Variants in PARD3 observed in about 807,000 individuals in gnomAD.
PARD3 encodes par-3 family cell polarity regulator.
In PARD3, 75 loss-of-function variants were observed where a neutral mutation model predicts 155.4. The observed-to-expected ratio is 0.48, with a 90% CI of 0.40 to 0.58. The LOEUF (loss-of-function observed/expected upper bound fraction) is 0.58. Among genes scored for constraint, PARD3 ranks in the 20% least tolerant of loss-of-function variants. The probability of loss-of-function intolerance (pLI) is 0.00; values close to 1 mark genes in which losing one functional copy is unlikely to be tolerated. For synonymous variants in PARD3, 576 were observed against 610.5 expected, an observed-to-expected ratio of 0.94 and a Z score of 0.83; for missense variants, 1,642 against 1,721.7, an observed-to-expected ratio of 0.95 and a Z score of 0.82.
chr10:34,798,531 T>C (rs963149732), intron 1 of PARD3, among the ~76,000 whole-genome samples: 5 of 151,660 alleles, frequency 3.3e-5, no homozygotes, highest in African/African-American at 1.2e-4. Flanking sequence ...ATGGTGAAAC[T>C]GCATCTCTAC....
intron 1 of PARD3, among the ~76,000 whole-genome samples, chr10:34,703,213 T>C (rs2094310439): frequency 6.7e-6 from 1 of 150,236 alleles, no homozygotes; most frequent in Non-Finnish European, 1.5e-5. Context: ...CAAGATCCCA[T>C]CTGTACAAAA....
chr10:34,296,615 T>C (rs1956924013), intron 20 of PARD3, among the ~76,000 whole-genome samples: 1 of 152,174 alleles, frequency 6.6e-6, no homozygotes, highest in African/African-American at 2.4e-5. Context: ...ATAAAATACG[T>C]GGATGTGGGA....
intron 22 of PARD3, among the ~76,000 whole-genome samples, chr10:34,239,208 TTAATC>T (rs1399535967): frequency 1.3e-5 from 2 of 152,214 alleles, no homozygotes; most frequent in African/African-American, 2.4e-5. Context: ...GGCCATTTCT[TTAATC>T]TAACACCATC....
At chr10:34,594,673 A>G (rs558934204) in intron 2 of PARD3, among the ~76,000 whole-genome samples, 1 of 152,254 alleles carries the variant, frequency 6.6e-6, no homozygotes, top group South Asian at 2.1e-4. Flanking sequence ...TCTACAAAAT[A>G]TACAAAAATT....
intron 5 of PARD3, among the ~76,000 whole-genome samples, chr10:34,402,562 A>T (rs1193824889): frequency 6.6e-6 from 1 of 152,196 alleles, no homozygotes; most frequent in Non-Finnish European, 1.5e-5. Context: ...GCCATAATGG[A>T]CCACTTTTGT....
Position 34,189,770 on chromosome 10 carries a change from C to A in PARD3, c.3420-58187G>T, listed in dbSNP as rs1304045846. Among the ~76,000 whole-genome samples, 4 of 152,260 alleles carry A rather than the reference C, an allele frequency of 2.6e-5. 1 individual carries two copies. Among genetic ancestry groups the A allele is most frequent in the Admixed American group, 2.6e-4 (4 of 15,294 alleles). On this transcript the variant is annotated intron_variant, in intron 22 of 24. Transcript: ENST00000374788. The stretch of plus-strand genomic sequence containing the variant: ...CCCAAAAAAGGACAACTGACAAAAA[C>A]CTGTTATTCAGACTTAGGCATTTAA...
chr10:34,148,424 T>C (rs1230451983), intron 22 of PARD3, among the ~76,000 whole-genome samples: 3 of 152,216 alleles, frequency 2.0e-5, no homozygotes, highest in Admixed American at 6.5e-5. Flanking sequence ...GATATCATAA[T>C]AGTGTCTCCA....
At chr10:34,227,856 T>TTATATATACATATATATATATATATA (rs1554814036) in intron 22 of PARD3, among the ~76,000 whole-genome samples, 1 of 82,278 alleles carries the variant, frequency 1.2e-5, no homozygotes. Flanking sequence ...GAATTATTTT[T>TTATATATACATATATATATATATATA]TATATATATA....
chr10:34,458,343 T>C (rs575162155), intron 4 of PARD3, among the ~76,000 whole-genome samples: 4 of 152,212 alleles, frequency 2.6e-5, no homozygotes, highest in East Asian at 1.9e-4. Flanking sequence ...GCTGAGACTA[T>C]AGGCACACAT....
chr10:34,202,847 A>G (rs1457070631), intron 22 of PARD3, among the ~76,000 whole-genome samples: 1 of 152,182 alleles, frequency 6.6e-6, no homozygotes, highest in East Asian at 1.9e-4. Context: ...TATTTCCCTT[A>G]CTGTGACACA....
intron 5 of PARD3, among the ~76,000 whole-genome samples, chr10:34,432,332 G>C (rs2075979800): frequency 1.4e-5 from 1 of 70,854 alleles, no homozygotes; most frequent in Non-Finnish European, 2.7e-5. Context: ...ATATACACGT[G>C]CACATACACA....
intron 1 of PARD3, among the ~76,000 whole-genome samples, chr10:34,761,652 T>C (rs1362095519): frequency 6.6e-6 from 1 of 152,178 alleles, no homozygotes; most frequent in Non-Finnish European, 1.5e-5. Context: ...CATTCCTCCC[T>C]TGATGATTAA....
intron 3 of PARD3, among the ~76,000 whole-genome samples, chr10:34,490,797 T>G (rs1381168095): frequency 6.6e-6 from 1 of 152,186 alleles, no homozygotes; most frequent in African/African-American, 2.4e-5. Flanking sequence ...GTATACTCTT[T>G]GAGTTATATA....
At chr10:34,579,552 CTCTGTG>C (rs1000063339) in intron 2 of PARD3, among the ~76,000 whole-genome samples, 12 of 62,510 alleles carry the variant, frequency 1.9e-4, no homozygotes, top group African/African-American at 6.9e-4. Context: ...CTACCATTTT[CTCTGTG>C]TGTGTGTGTG....
At chr10:34,624,352 A>C (rs1407460554) in intron 2 of PARD3, among the ~76,000 whole-genome samples, 1 of 152,220 alleles carries the variant, frequency 6.6e-6, no homozygotes, top group Non-Finnish European at 1.5e-5. Context: ...ACTTATTGAA[A>C]GAAAACTAGG....
intron 22 of PARD3, among the ~76,000 whole-genome samples, chr10:34,156,766 CT>C (rs1949025955): frequency 6.6e-6 from 1 of 152,182 alleles, no homozygotes; most frequent in Non-Finnish European, 1.5e-5. Context: ...CCATGCTCTT[CT>C]CATGAGACCA....
rs112977094 is a variant in PARD3, at chr10:34,204,395, C to T, written c.3419+65262G>A. ...CAGGCTGGAAAGCATAACCTCACGG[C>T]GCAGTGTTGGCAGGCTGGGTAGGAA... On this transcript the variant is annotated intron_variant, in intron 22 of 24. Transcript: ENST00000374788. Among the ~76,000 whole-genome samples the T allele has an allele frequency of 8.8e-4, 134 of 152,246 alleles. 1 individual carries two copies. The highest frequency in any genetic ancestry group is 3.0e-3 in the African/African-American group (125 of 41,540).
intron 2 of PARD3, among the ~76,000 whole-genome samples, chr10:34,519,036 A>C (rs1281619571): frequency 6.6e-6 from 1 of 152,190 alleles, no homozygotes; most frequent in Non-Finnish European, 1.5e-5. Flanking sequence ...ACGTCCATCT[A>C]ATCGTGAGGA....
At chr10:34,365,887 C>A (rs915170075) in intron 12 of PARD3, among the ~76,000 whole-genome samples, 1 of 152,052 alleles carries the variant, frequency 6.6e-6, no homozygotes, top group Non-Finnish European at 1.5e-5. Flanking sequence ...CAAGCCAGAA[C>A]AAGAAAATCA....
Sources: allele counts gnomAD v4.1 joint callset (sites outside exome capture counted in the v4.1 genomes callset), GRCh38; gene constraint gnomAD v4.1.1; transcripts MANE v1.5; gene names NCBI Gene and HGNC (gene_info 2026-07-23, HGNC 2026-07-21).